The following MED27 variants were observed in gnomAD, a reference collection of about 807,000 sequenced individuals.
The protein encoded by MED27 is mediator complex subunit 27.
In MED27, 30 loss-of-function variants were observed where a neutral mutation model predicts 38.2. The observed-to-expected ratio is 0.79, with a 90% CI of 0.59 to 1.07. MED27 has a LOEUF of 1.07. Among genes scored for constraint, MED27 ranks in the 50% least tolerant of loss-of-function variants. The pLI, the probability that MED27 is intolerant of heterozygous loss-of-function variation, is 0.00. For missense variants in MED27, 289 were observed against 397.5 expected, an observed-to-expected ratio of 0.73 and a Z score of 2.32; for synonymous variants, 122 against 153.5, an observed-to-expected ratio of 0.79 and a Z score of 1.52.
At chr9:131,927,499 T>C (rs1295171247) in intron 4 of MED27, among the ~76,000 whole-genome samples, 2 of 152,252 alleles carry the variant, frequency 1.3e-5, no homozygotes, top group African/African-American at 2.4e-5. Flanking sequence ...GCCATTCATG[T>C]ATTCATTCAG....
At chr9:132,032,490 T>C (rs1832985855) in intron 2 of MED27, among the ~76,000 whole-genome samples, 1 of 152,216 alleles carries the variant, frequency 6.6e-6, no homozygotes, top group Non-Finnish European at 1.5e-5. Flanking sequence ...AGTTACACAG[T>C]TTCTGCTCTG....
At position 132,003,618 on chromosome 9, in the gene MED27, T is replaced by C. The variant is rs75295182; in HGVS notation, c.479+10719A>G. Among the ~76,000 whole-genome samples, 224 of 152,242 alleles carry C rather than the reference T, an allele frequency of 1.5e-3. 1 individual carries two copies. The highest frequency in any genetic ancestry group is 5.2e-3 in the African/African-American group (218 of 41,534). ...CTGCTCTTCTGGTCTCCCTCCACAATTGCTGGCACAACATATCCACTCTGA... is the reference window on the plus strand; with the variant it reads ...CTGCTCTTCTGGTCTCCCTCCACAACTGCTGGCACAACATATCCACTCTGA... On this transcript the variant is annotated intron_variant, in intron 3 of 7. Transcript: ENST00000292035. This position sits in a 1 kb window ranked among gnomAD's most constrained non-coding sequence, Gnocchi z 4.2.
intron 3 of MED27, among the ~76,000 whole-genome samples, chr9:131,994,420 G>T (rs1046470486): frequency 6.6e-6 from 1 of 152,152 alleles, no homozygotes; most frequent in African/African-American, 2.4e-5. Context: ...GCATCCCAGG[G>T]CAATGGCAGA....
intron 4 of MED27, among the ~76,000 whole-genome samples, chr9:131,931,214 C>T (rs1379879742): frequency 6.6e-6 from 1 of 151,886 alleles, no homozygotes; most frequent in Non-Finnish European, 1.5e-5. Context: ...CACTGCACTC[C>T]AGCCTGGGTG....
At chr9:131,914,005 A>G (rs1392838038) in intron 4 of MED27, among the ~76,000 whole-genome samples, 1 of 152,244 alleles carries the variant, frequency 6.6e-6, no homozygotes, top group East Asian at 1.9e-4. Flanking sequence ...TGCAGTTCTA[A>G]GACTTGGAAA....
intron 3 of MED27, among the ~76,000 whole-genome samples, chr9:131,985,236 C>A (rs1831824317): frequency 6.6e-6 from 1 of 152,112 alleles, no homozygotes. Context: ...CTGGCATCCC[C>A]TTTCTTTTTA....
At chr9:131,979,772 G>T (rs1025263859) in intron 3 of MED27, among the ~76,000 whole-genome samples, 5 of 152,174 alleles carry the variant, frequency 3.3e-5, no homozygotes, top group South Asian at 2.1e-4. Context: ...TCCTTACCTT[G>T]GATGGGTTCT....
chr9:131,964,524 C>T (rs906007314), intron 3 of MED27, among the ~76,000 whole-genome samples: 17 of 151,876 alleles, frequency 1.1e-4, no homozygotes, highest in African/African-American at 4.1e-4. Flanking sequence ...ATTTCAGCCA[C>T]TAAGACAAAT....
At chr9:131,880,664 C>T (rs577707669) in intron 6 of MED27, among the ~76,000 whole-genome samples, 5 of 152,160 alleles carry the variant, frequency 3.3e-5, no homozygotes, top group African/African-American at 9.7e-5. Context: ...AAGGAATTGG[C>T]GGATGCTCCT....
intron 3 of MED27, among the ~76,000 whole-genome samples, chr9:131,961,673 C>T (rs994276740): frequency 6.6e-6 from 1 of 152,206 alleles, no homozygotes; most frequent in Admixed American, 6.5e-5. Flanking sequence ...CCGCTGCTTT[C>T]GTGAACTAGC....
At chr9:131,932,306 C>A (rs1199338684) in intron 4 of MED27, among the ~76,000 whole-genome samples, 2 of 4,582 alleles carry the variant, frequency 4.4e-4, no homozygotes, top group African/African-American at 2.2e-3. Context: ...AAGAAGGAAA[C>A]TGAAAAAATT....
chr9:131,898,699 C>G (rs1829876098), intron 4 of MED27, among the ~76,000 whole-genome samples: 1 of 152,082 alleles, frequency 6.6e-6, no homozygotes, highest in Non-Finnish European at 1.5e-5. Flanking sequence ...ATTCTCCTTC[C>G]TTGCCTTTTC....
intron 3 of MED27, among the ~76,000 whole-genome samples, chr9:131,959,345 T>C (rs1392732897): frequency 6.6e-6 from 1 of 152,204 alleles, no homozygotes; most frequent in African/African-American, 2.4e-5. Flanking sequence ...AGTTATATGA[T>C]GAAGATAACT....
chr9:132,017,918 C>T (rs1295535648), intron 2 of MED27, among the ~76,000 whole-genome samples: 1 of 152,152 alleles, frequency 6.6e-6, no homozygotes, highest in South Asian at 2.1e-4. Context: ...TCTACTGAAT[C>T]GTTTTTAAAA....
chr9:131,903,453 G>T (rs967989920), intron 4 of MED27, among the ~76,000 whole-genome samples: 1 of 152,182 alleles, frequency 6.6e-6, no homozygotes, highest in East Asian at 1.9e-4. Flanking sequence ...CATATCACAG[G>T]TGTTACCCCA....
chr9:131,992,145 CA>C (rs546393107), intron 3 of MED27, among the ~76,000 whole-genome samples: 24 of 152,216 alleles, frequency 1.6e-4, no homozygotes, highest in African/African-American at 5.8e-4. Flanking sequence ...GTTAAGAAAA[CA>C]ATGTCCTTCC....
chr9:131,914,337 G>A (rs1830248130), intron 4 of MED27, among the ~76,000 whole-genome samples: 1 of 152,236 alleles, frequency 6.6e-6, no homozygotes, highest in African/African-American at 2.4e-5. Context: ...CCGGCTGACT[G>A]AGGTTAAATT....
chr9:132,007,981 T>C (rs747992490), intron 3 of MED27, among the ~76,000 whole-genome samples: 20 of 152,132 alleles, frequency 1.3e-4, no homozygotes, highest in Non-Finnish European at 2.8e-4. Flanking sequence ...TAGTTTTCAA[T>C]GTAAGCTTTC....
intron 6 of MED27, among the ~76,000 whole-genome samples, chr9:131,876,869 T>C (rs777367646): frequency 6.6e-6 from 1 of 152,168 alleles, no homozygotes; most frequent in Non-Finnish European, 1.5e-5. Context: ...ATGAAAGCTG[T>C]CCCCTCAGTT....
Sources: allele counts gnomAD v4.1 joint callset (sites outside exome capture counted in the v4.1 genomes callset), GRCh38; gene constraint gnomAD v4.1.1; non-coding constraint Gnocchi (gnomAD v3.1); transcripts MANE v1.5; gene names NCBI Gene and HGNC (gene_info 2026-07-23, HGNC 2026-07-21).